Variants in SATL1 observed in about 807,000 individuals in gnomAD.
The protein encoded by SATL1 is spermidine/spermine N(1)-acetyltransferase-like protein 1.
In SATL1, 47 loss-of-function variants were observed where a neutral mutation model predicts 51.8. That is an observed-to-expected ratio of 0.91 (90% CI 0.72 to 1.16). The LOEUF (loss-of-function observed/expected upper bound fraction) is 1.16, where lower values mean the gene tolerates loss of function less well. SATL1 is among the 50% of genes most tolerant of loss of function. The pLI is 0.00. For synonymous variants in SATL1, 176 were observed against 182.4 expected, an observed-to-expected ratio of 0.97 and a Z score of 0.28; for missense variants, 520 against 526.4, an observed-to-expected ratio of 0.99 and a Z score of 0.12.
At chrX:85,220,218 G>C (rs1024275197) in intron 2 of SATL1, among the ~76,000 whole-genome samples, 1 of 110,292 alleles carries the variant, frequency 9.1e-6, no homozygotes, top group Non-Finnish European at 1.9e-5. Flanking sequence ...ACCAGTCCTA[G>C]CCAGAGGGGA....
chrX:85,167,311 G>A (rs189222067), intron 2 of SATL1, among the ~76,000 whole-genome samples: 59 of 108,499 alleles, frequency 5.4e-4, no homozygotes, highest in Non-Finnish European at 9.7e-4. Context: ...CACTTGTTCA[G>A]TTGATGGGTG....
chrX:85,180,083 A>T (rs150791301), intron 2 of SATL1, among the ~76,000 whole-genome samples: 1 of 111,230 alleles, frequency 9.0e-6, no homozygotes, highest in East Asian at 2.8e-4. Flanking sequence ...TACAGATAAG[A>T]AACTATAAAA....
intron 2 of SATL1, among the ~76,000 whole-genome samples, chrX:85,152,024 C>G (rs1236285935): frequency 9.2e-6 from 1 of 109,201 alleles, no homozygotes; most frequent in Admixed American, 9.8e-5. Flanking sequence ...TCAGAGTGAA[C>G]AGGCAACCTA....
intron 2 of SATL1, among the ~76,000 whole-genome samples, chrX:85,151,066 C>T (rs1926419998): frequency 9.2e-6 from 1 of 108,981 alleles, no homozygotes; most frequent in African/African-American, 3.3e-5. Context: ...TCTAGAAAAC[C>T]CCATTGTCTC....
intron 2 of SATL1, among the ~76,000 whole-genome samples, chrX:85,162,158 T>G (rs1176001188): frequency 9.0e-6 from 1 of 111,730 alleles, no homozygotes; most frequent in Non-Finnish European, 1.9e-5. Context: ...GAGATACAGC[T>G]AAGGCAAAGT....
chrX:85,231,218 T>C (rs1254144990), intron 1 of SATL1, among the ~76,000 whole-genome samples: 1 of 112,107 alleles, frequency 8.9e-6, no homozygotes, highest in Non-Finnish European at 1.9e-5. Context: ...AGAATACTAT[T>C]CAACCTTGAA....
At chrX:85,139,026 A>G (rs16980121) in intron 2 of SATL1, among the ~76,000 whole-genome samples, 11,390 of 110,783 alleles carry the variant, frequency 0.1, 492 homozygotes, top group South Asian at 0.22. Flanking sequence ...TGTTCAAATG[A>G]TCTTTGGCTT....
chrX:85,128,619 T>C (rs1388188892), intron 2 of SATL1, among the ~76,000 whole-genome samples: 2 of 112,370 alleles, frequency 1.8e-5, no homozygotes, highest in African/African-American at 3.2e-5. Flanking sequence ...CTGATGGTAG[T>C]TTCTTTTGCT....
At chrX:85,222,573 T>A (rs1003199496) in intron 2 of SATL1, among the ~76,000 whole-genome samples, 1 of 111,723 alleles carries the variant, frequency 9.0e-6, no homozygotes, top group Non-Finnish European at 1.9e-5. Context: ...CAATCCTGTC[T>A]ACTCTGATGT....
chrX:85,106,412 T>A (rs1238130516), intron 3 of SATL1, among the ~76,000 whole-genome samples: 1 of 111,955 alleles, frequency 8.9e-6, no homozygotes, highest in Admixed American at 9.5e-5. Context: ...TAAAACACAC[T>A]CTCCAAAGGG....
At chrX:85,214,211 A>G (rs767383361) in intron 2 of SATL1, among the ~76,000 whole-genome samples, 119 of 112,013 alleles carry the variant, frequency 1.1e-3, no homozygotes, top group Middle Eastern at 4.6e-3. Flanking sequence ...TGGCACCAAC[A>G]TCTATTTCTG....
chrX:85,143,139 C>A (rs1926148822), intron 2 of SATL1: 1 of 111,761 alleles, frequency 8.9e-6, no homozygotes, highest in Non-Finnish European at 1.9e-5. Flanking sequence ...CAAAGATGAA[C>A]AAATAGTTCT....
chrX:85,212,328 A>T (rs1355045735), intron 2 of SATL1, among the ~76,000 whole-genome samples: 2 of 111,990 alleles, frequency 1.8e-5, no homozygotes, highest in Non-Finnish European at 3.8e-5. Context: ...GAAAAAAGTC[A>T]GTACTGACTA....
At chrX:85,169,214 A>G (rs1025175719) in intron 2 of SATL1, among the ~76,000 whole-genome samples, 12 of 112,212 alleles carry the variant, frequency 1.1e-4, no homozygotes, top group Non-Finnish European at 2.1e-4. Context: ...GGAATGGGCA[A>G]ATATTTCATG....
At chrX:85,227,272 C>G (rs753353550) in intron 1 of SATL1, among the ~76,000 whole-genome samples, 11 of 111,749 alleles carry the variant, frequency 9.8e-5, no homozygotes, top group Non-Finnish European at 1.9e-4. Context: ...TTTCCTATCT[C>G]TCTTCATTCT....
intron 1 of SATL1, among the ~76,000 whole-genome samples, chrX:85,227,802 T>C (rs918931608): frequency 3.6e-5 from 4 of 111,527 alleles, no homozygotes; most frequent in Non-Finnish European, 5.7e-5. Context: ...CAAACAAACA[T>C]AAAAAGACAA....
chrX:85,128,995 C>A (rs906277048), intron 2 of SATL1, among the ~76,000 whole-genome samples: 5 of 111,282 alleles, frequency 4.5e-5, no homozygotes, highest in Non-Finnish European at 7.5e-5. Context: ...TGTTCTGTTC[C>A]ATTGGTCTAT....
At chrX:85,118,940 A>G (rs1453051813) in intron 2 of SATL1, among the ~76,000 whole-genome samples, 1 of 111,800 alleles carries the variant, frequency 8.9e-6, no homozygotes, top group Non-Finnish European at 1.9e-5. Context: ...ATTGGCATAT[A>G]TATATCATTA....
chrX:85,136,435 A>G (rs1024983419), intron 2 of SATL1, among the ~76,000 whole-genome samples: 1 of 112,061 alleles, frequency 8.9e-6, no homozygotes, highest in Non-Finnish European at 1.9e-5. Flanking sequence ...TGGAAGAAGA[A>G]GAGCACCTGA....
Sources: gnomAD v4.1 joint callset for allele counts (sites outside exome capture counted in the v4.1 genomes callset) on GRCh38, gnomAD v4.1.1 for gene constraint, MANE v1.5 for transcripts, NCBI Gene and HGNC (gene_info 2026-07-23, HGNC 2026-07-21) for gene names.